The following BANP variants were observed in gnomAD, a reference collection of about 807,000 sequenced individuals.
BANP encodes the protein protein BANP.
Under a neutral mutation model 68.1 loss-of-function variants are expected in BANP, and 11 were observed. That is an observed-to-expected ratio of 0.16 (90% confidence interval 0.10 to 0.27). The LOEUF (loss-of-function observed/expected upper bound fraction) is 0.27. Ranked by LOEUF, BANP falls within the 10% of genes least tolerant of loss-of-function variation. The probability of loss-of-function intolerance (pLI) is 1.00; values close to 1 mark genes in which losing one functional copy is unlikely to be tolerated. For missense variants in BANP, 504 were observed against 722.7 expected (o/e 0.70, Z 3.47); for synonymous variants, 329 against 303.2 (o/e 1.09, Z -0.88).
chr16:88,061,812 C>T (rs1481564957), intron 11 of BANP, among the ~76,000 whole-genome samples: 1 of 152,024 alleles, frequency 6.6e-6, no homozygotes, highest in Non-Finnish European at 1.5e-5. Context: ...ATTACAGGCA[C>T]GCACCACCAT....
chr16:87,971,690 CT>C (rs1488234164), intron 1 of BANP, among the ~76,000 whole-genome samples: 2 of 151,632 alleles, frequency 1.3e-5, no homozygotes, highest in African/African-American at 2.4e-5. Flanking sequence ...TTTTTTCCCC[CT>C]AGGTTGTAGT....
chr16:88,021,401 C>T (rs1169795268), intron 7 of BANP, among the ~76,000 whole-genome samples: 3 of 152,104 alleles, frequency 2.0e-5, no homozygotes, highest in African/African-American at 4.8e-5. Context: ...TCTCTAGAGC[C>T]GAGCTTTGGG....
intron 11 of BANP, among the ~76,000 whole-genome samples, chr16:88,046,310 G>A (rs2082013356): frequency 1.3e-5 from 2 of 152,224 alleles, no homozygotes; most frequent in Non-Finnish European, 2.9e-5. Flanking sequence ...AGGAAGTATC[G>A]TCTTGTGAAA....
intron 5 of BANP, among the ~76,000 whole-genome samples, chr16:88,005,112 C>G (rs1219846888): frequency 6.6e-6 from 1 of 152,230 alleles, no homozygotes; most frequent in Non-Finnish European, 1.5e-5. Flanking sequence ...TCTGTATTGT[C>G]TTAGCTCAGT....
chr16:88,045,753 T>A (rs1306979752), intron 11 of BANP, among the ~76,000 whole-genome samples: 2 of 127,756 alleles, frequency 1.6e-5, no homozygotes, highest in Non-Finnish European at 3.2e-5. Flanking sequence ...AGGGCCCGGC[T>A]GTGGTTGGCA....
chr16:88,022,622 G>T (rs1326634741), intron 7 of BANP, among the ~76,000 whole-genome samples: 4 of 152,206 alleles, frequency 2.6e-5, no homozygotes, highest in African/African-American at 9.6e-5. Flanking sequence ...TCCTGTGGCC[G>T]CGGGGACAAA....
chr16:88,069,870 C>T (rs2089854154), intron 12 of BANP, among the ~76,000 whole-genome samples: 1 of 151,960 alleles, frequency 6.6e-6, no homozygotes, highest in Non-Finnish European at 1.5e-5. Flanking sequence ...AAAAATTATA[C>T]TGAGTGTGCC....
chr16:88,009,640 TAAG>T (rs1170882017), intron 6 of BANP, among the ~76,000 whole-genome samples: 2 of 152,234 alleles, frequency 1.3e-5, no homozygotes, highest in Non-Finnish European at 2.9e-5. Flanking sequence ...CTCATTGGAA[TAAG>T]AAGGACGGTA....
intron 2 of BANP, among the ~76,000 whole-genome samples, chr16:87,980,259 G>T (rs2062997740): frequency 6.6e-6 from 1 of 152,196 alleles, no homozygotes; most frequent in South Asian, 2.1e-4. Context: ...AATTGACTAG[G>T]TCTAAGGAAA....
chr16:88,032,207 C>A (rs1437754931), intron 8 of BANP, among the ~76,000 whole-genome samples: 1 of 151,854 alleles, frequency 6.6e-6, no homozygotes, highest in African/African-American at 2.4e-5. Flanking sequence ...CTGCTTCCCT[C>A]CCCTGTACCC....
chr16:88,075,311 G>T (rs1262555051), intron 13 of BANP, among the ~76,000 whole-genome samples: 4 of 152,172 alleles, frequency 2.6e-5, no homozygotes, highest in Non-Finnish European at 5.9e-5. Context: ...GCGCCACTGT[G>T]CTCCAGCCTA....
chr16:87,961,775 G>A (rs752239628), intron 1 of BANP, among the ~76,000 whole-genome samples: 1 of 152,126 alleles, frequency 6.6e-6, no homozygotes, highest in Non-Finnish European at 1.5e-5. Context: ...TCAGGAATGC[G>A]TTCAGTGCAT....
At chr16:88,008,239 G>A (rs1013151560) in intron 6 of BANP, among the ~76,000 whole-genome samples, 2 of 152,186 alleles carry the variant, frequency 1.3e-5, no homozygotes, top group Non-Finnish European at 2.9e-5. Flanking sequence ...GGGCATCTGG[G>A]TGGTTTGCAC....
At chr16:88,008,934 A>T (rs1389198688) in intron 6 of BANP, among the ~76,000 whole-genome samples, 2 of 152,242 alleles carry the variant, frequency 1.3e-5, no homozygotes, top group African/African-American at 4.8e-5. Flanking sequence ...AATCTGTTTC[A>T]CTGACTGTCC....
At chr16:88,073,176 G>C (rs984160987) in intron 13 of BANP, among the ~76,000 whole-genome samples, 1 of 152,238 alleles carries the variant, frequency 6.6e-6, no homozygotes, top group Non-Finnish European at 1.5e-5. Context: ...GCTCGGTAGA[G>C]CTCACGCTCA....
chr16:87,991,227 T>C (rs765777343), intron 4 of BANP, among the ~76,000 whole-genome samples: 4 of 151,252 alleles, frequency 2.6e-5, no homozygotes, highest in Non-Finnish European at 4.4e-5. Flanking sequence ...CACATAATTG[T>C]ATGGTACAGT....
intron 4 of BANP, among the ~76,000 whole-genome samples, chr16:87,989,019 GAGTAC>G (rs1256463494): frequency 6.6e-6 from 1 of 152,234 alleles, no homozygotes; most frequent in Non-Finnish European, 1.5e-5. Flanking sequence ...GAAGGCAGTG[GAGTAC>G]TGCTTGCCTC....
At position 88,064,206 on chromosome 16, in the gene BANP, CA is replaced by C. The variant is rs755806036; in HGVS notation, c.1312-1060del. ...CGGGGGCTTGAGAGGCGCAGGGGAG[CA>C]GGGGGGGAGAGTGGACAGCGAGGCG... is the stretch of plus-strand genomic sequence containing the variant. On this transcript the variant is annotated intron_variant, in intron 11 of 13. Transcript: ENST00000682872. This position sits in a 1 kb window ranked among gnomAD's most constrained non-coding sequence, Gnocchi z 4.5. Among the ~76,000 whole-genome samples the C allele has an allele frequency of 6.8e-5, 9 of 133,116 alleles. No homozygotes were observed. The highest frequency in any genetic ancestry group is 2.3e-4 in the African/African-American group (8 of 34,792). The allele number at this position is 133,116 out of a possible 152,430, so 87.3% of individuals were successfully genotyped here. A position where few individuals can be genotyped will look rare whatever the true frequency, so the allele number is the denominator to read the frequency against.
intron 11 of BANP, among the ~76,000 whole-genome samples, chr16:88,059,277 G>C (rs1432374644): frequency 6.6e-6 from 1 of 151,694 alleles, no homozygotes; most frequent in Admixed American, 6.6e-5. Context: ...GGTGTGTGAA[G>C]GTGTGGAGAG....
Sources: gnomAD v4.1 joint callset for allele counts (sites outside exome capture counted in the v4.1 genomes callset) on GRCh38, gnomAD v4.1.1 for gene constraint, Gnocchi (gnomAD v3.1) non-coding constraint, MANE v1.5 for transcripts, NCBI Gene and HGNC (gene_info 2026-07-23, HGNC 2026-07-21) for gene names.